Variants in TRAPPC3L observed in about 807,000 individuals in gnomAD.
TRAPPC3L encodes the protein trafficking protein particle complex subunit 3L.
A neutral mutation model predicts 23.7 loss-of-function variants in TRAPPC3L; 23 were observed. That is an observed-to-expected ratio of 0.97 (90% CI 0.70 to 1.37). TRAPPC3L has a LOEUF of 1.37. Ranked by LOEUF, TRAPPC3L falls within the 40% of genes most tolerant of loss-of-function variation. TRAPPC3L has a pLI of 0.00. For missense variants in TRAPPC3L, 212 were observed against 216.8 expected, an observed-to-expected ratio of 0.98 and a Z score of 0.14; for synonymous variants, 81 against 77.9, an observed-to-expected ratio of 1.04 and a Z score of -0.21.
At chr6:116,543,210 G>A in intron 2 of TRAPPC3L, 93 bp downstream of exon 2, 1 of 888,498 alleles carries the variant, frequency 1.1e-6, no homozygotes. Flanking sequence ...AACAGCTGGT[G>A]AAATGAAGCA....
intron 3 of TRAPPC3L, among the ~76,000 whole-genome samples, chr6:116,507,053 G>A (rs2115159844): frequency 1.3e-5 from 2 of 152,106 alleles, no homozygotes; most frequent in African/African-American, 4.8e-5. Context: ...TATTTTTAAT[G>A]TATAGAATAT....
In TRAPPC3L at chr6:116,545,683, G is replaced by A; in HGVS notation, c.-169C>T. 4.3e-6 allele frequency: 2 copies of A among 466,420 alleles called. No homozygotes were observed. Among genetic ancestry groups the A allele is most frequent in the Non-Finnish European group, 7.4e-6 (2 of 268,972 alleles). The allele number at this position is 466,420 out of a possible 1,614,324, so 28.9% of individuals were successfully genotyped here. A position where few individuals can be genotyped will look rare whatever the true frequency, so the allele number is the denominator to read the frequency against. On this transcript the variant is annotated 5_prime_UTR_variant, in exon 1 of 5. Coordinates refer to ENST00000368602, the MANE Select transcript of TRAPPC3L (RefSeq NM_001139444.3). Reference sequence around the variant, plus strand: ...CTTTTGCTCTTTGCTGAGCTGAAGAGGGAAAAAAACCATGAACAACAGGAT... The same window carrying A: ...CTTTTGCTCTTTGCTGAGCTGAAGAAGGAAAAAAACCATGAACAACAGGAT...
chr6:116,501,442 T>A (rs1771914106), intron 3 of TRAPPC3L, among the ~76,000 whole-genome samples: 1 of 152,238 alleles, frequency 6.6e-6, no homozygotes, highest in African/African-American at 2.4e-5. Flanking sequence ...GCAGGGCATA[T>A]CTGAACAAAA....
At chr6:116,512,196 T>C in intron 3 of TRAPPC3L, 1 of 1,607,308 alleles carries the variant, frequency 6.2e-7, no homozygotes, top group Admixed American at 1.7e-5. Flanking sequence ...CTACCTACCG[T>C]CAATGAAGAA....
At chr6:116,497,166 T>G in intron 4 of TRAPPC3L, 93 bp from the exon 5 acceptor site, 1 of 1,439,480 alleles carries the variant, frequency 6.9e-7, no homozygotes, top group Non-Finnish European at 9.2e-7. Context: ...TTTACTTTCC[T>G]TAAGAAATGA....
chr6:116,543,754 C>T (rs1326835278), intron 1 of TRAPPC3L: 1 of 1,349,196 alleles, frequency 7.4e-7, no homozygotes, highest in East Asian at 2.5e-5. Context: ...ATATGCCATC[C>T]ATGTTTTCAG....
chr6:116,528,924 A>C (rs1423256926), intron 3 of TRAPPC3L: 3 of 152,256 alleles, frequency 2.0e-5, no homozygotes, highest in Admixed American at 6.5e-5. Context: ...TTTTAGGCTT[A>C]TCTGATAAGT....
intron 3 of TRAPPC3L, among the ~76,000 whole-genome samples, chr6:116,501,232 C>T: frequency 6.6e-6 from 1 of 152,224 alleles, no homozygotes; most frequent in East Asian, 1.9e-4. Context: ...CCCATGGAGC[C>T]TTGCTCACTG....
intron 2 of TRAPPC3L, among the ~76,000 whole-genome samples, chr6:116,540,685 C>A (rs541107596): frequency 6.6e-6 from 1 of 152,146 alleles, no homozygotes; most frequent in East Asian, 1.9e-4. Flanking sequence ...CTCCTGCAAG[C>A]AGAAGAGTCT....
intron 3 of TRAPPC3L, among the ~76,000 whole-genome samples, chr6:116,534,829 G>A (rs372661641): frequency 6.6e-6 from 1 of 152,068 alleles, no homozygotes; most frequent in Non-Finnish European, 1.5e-5. Context: ...TTTCCAACAA[G>A]TACAGTATAT....
rs1016289916 is a variant in TRAPPC3L, at chr6:116,496,808, C to G, written c.*146G>C. The G allele has an allele frequency of 4.3e-6, 5 of 1,151,906 alleles. No individual in the cohort carries two copies. Among genetic ancestry groups the G allele is most frequent in the South Asian group, 2.0e-5 (1 of 48,954 alleles). The allele number at this position is 1,151,906 out of a possible 1,614,324, so 71.4% of individuals were successfully genotyped here. A position where few individuals can be genotyped will look rare whatever the true frequency, so the allele number is the denominator to read the frequency against. The stretch of plus-strand genomic sequence containing the variant: ...GCAAAAGGAAAAAAAAACCTTTAAG[C>G]CTTCATGCCCTGCATTTCAAATTTC... On this transcript the variant is annotated 3_prime_UTR_variant, in exon 5 of 5. Coordinates refer to ENST00000368602, the MANE Select transcript of TRAPPC3L (RefSeq NM_001139444.3).
At chr6:116,505,905 C>A (rs974653207) in intron 3 of TRAPPC3L, among the ~76,000 whole-genome samples, 1 of 152,114 alleles carries the variant, frequency 6.6e-6, no homozygotes, top group South Asian at 2.1e-4. Flanking sequence ...AACCTAAAAC[C>A]ATGAAAATCC....
rs773198124 is a variant in TRAPPC3L, at chr6:116,540,501, GA to G, written c.141-40del. 1.2e-4 allele frequency: 190 copies of G among 1,531,510 alleles called. 1 individual carries two copies. In the Admixed American group the frequency reaches 1.5e-3, roughly 12 times the overall value. The allele number at this position is 1,531,510 out of a possible 1,614,324, so 94.9% of individuals were successfully genotyped here. On this transcript the variant is annotated intron_variant, in intron 2 of 4. Transcript: ENST00000368602. ...AAAGAGTGTGGTCTGAAAATTCTAA[GA>G]AATTAGTGAAGTCTGTCAGTTTTTA...
At chr6:116,532,708 T>C (rs939809673) in intron 3 of TRAPPC3L, among the ~76,000 whole-genome samples, 10 of 152,234 alleles carry the variant, frequency 6.6e-5, no homozygotes, top group Admixed American at 1.3e-4. Context: ...AATAAGCTGG[T>C]CAACAGCAAA....
chr6:116,500,113 A>G (rs1017397352), intron 4 of TRAPPC3L, among the ~76,000 whole-genome samples: 1 of 152,190 alleles, frequency 6.6e-6, no homozygotes, highest in South Asian at 2.1e-4. Flanking sequence ...GAACTTCATG[A>G]AGCTTCCTGC....
chr6:116,543,461 CT>C, intron 1 of TRAPPC3L, 61 bp from the exon 2 acceptor site: 1 of 1,328,618 alleles, frequency 7.5e-7, no homozygotes, highest in East Asian at 2.5e-5. Context: ...TACTGTATTT[CT>C]TTTGTTTATA....
intron 3 of TRAPPC3L, among the ~76,000 whole-genome samples, chr6:116,533,751 T>C (rs1160156674): frequency 6.6e-6 from 1 of 152,196 alleles, no homozygotes; most frequent in Non-Finnish European, 1.5e-5. Context: ...AAGAAGGGGC[T>C]TTTCTTCTGT....
At chr6:116,514,265 T>A (rs1419283920) in intron 3 of TRAPPC3L, among the ~76,000 whole-genome samples, 1 of 152,122 alleles carries the variant, frequency 6.6e-6, no homozygotes, top group Non-Finnish European at 1.5e-5. Flanking sequence ...GCTCAGGTAC[T>A]GAGATGAGAT....
Position 116,515,664 on chromosome 6 carries a change from G to A in TRAPPC3L, c.241-14998C>T, listed in dbSNP as rs571775020. On this transcript the variant is annotated intron_variant, in intron 3 of 4. Coordinates refer to ENST00000368602, the MANE Select transcript of TRAPPC3L (RefSeq NM_001139444.3). The stretch of plus-strand genomic sequence containing the variant: ...TCTCTGCTCACCACATGTTATGCTC[G>A]CTGCCGATCTAAAGTTAGCTACCTT... The A allele has an allele frequency of 5.0e-6, 8 of 1,613,928 alleles. No individual in the cohort carries two copies. Among genetic ancestry groups the A allele is most frequent in the South Asian group, 2.2e-5 (2 of 91,078 alleles).
Sources: allele counts gnomAD v4.1 joint callset (sites outside exome capture counted in the v4.1 genomes callset), GRCh38; gene constraint gnomAD v4.1.1; transcripts MANE v1.5; gene names NCBI Gene and HGNC (gene_info 2026-07-23, HGNC 2026-07-21).